Variants in DENND5A observed in about 807,000 individuals in gnomAD.
DENND5A encodes the protein DENN domain-containing protein 5A.
In DENND5A, 64 loss-of-function variants were observed where a neutral mutation model predicts 140.3. The observed-to-expected ratio is 0.46, with a 90% CI of 0.37 to 0.56. The LOEUF (loss-of-function observed/expected upper bound fraction) is 0.56. DENND5A is among the 20% of genes least tolerant of loss of function. DENND5A has a pLI of 0.00. For synonymous variants in DENND5A, 605 were observed against 607.7 expected (o/e 1.00, Z 0.07); for missense variants, 1,292 against 1,593.8 (o/e 0.81, Z 3.22).
At chr11:9,256,631 AGT>A (rs1454873419) in intron 1 of DENND5A, among the ~76,000 whole-genome samples, 1 of 152,230 alleles carries the variant, frequency 6.6e-6, no homozygotes, top group African/African-American at 2.4e-5. Flanking sequence ...GAAAGAAGCC[AGT>A]AACAAGAGAC....
At chr11:9,225,099 T>C (rs1397219640) in intron 1 of DENND5A, among the ~76,000 whole-genome samples, 1 of 152,204 alleles carries the variant, frequency 6.6e-6, no homozygotes, top group Non-Finnish European at 1.5e-5. Flanking sequence ...AAAACAGGAC[T>C]ATCCACTCCC....
At chr11:9,143,087 G>A in intron 20 of DENND5A, 1 of 599,818 alleles carries the variant, frequency 1.7e-6, no homozygotes, top group South Asian at 2.2e-5. Context: ...ATTCTCCACT[G>A]GAGGACAAAG....
chr11:9,219,556 C>A (rs573059004), intron 1 of DENND5A, among the ~76,000 whole-genome samples: 1 of 151,960 alleles, frequency 6.6e-6, no homozygotes, highest in South Asian at 2.1e-4. Context: ...TCTGCCAAAA[C>A]GAGAATTAAC....
At chr11:9,160,672 A>G (rs2291839) in intron 12 of DENND5A, 41 bp downstream of exon 12, 173,584 of 1,569,192 alleles carry the variant, frequency 0.11, 10,130 homozygotes, top group South Asian at 0.18. Context: ...TGAAAACAGG[A>G]AGACAATTTG....
At chr11:9,231,454 G>A (rs988058713) in intron 1 of DENND5A, among the ~76,000 whole-genome samples, 5 of 151,620 alleles carry the variant, frequency 3.3e-5, no homozygotes, top group African/African-American at 7.3e-5. Context: ...GGTGGCTCAC[G>A]CCTGTAATCC....
At chr11:9,140,728 C>A (rs1847209249) in intron 22 of DENND5A, among the ~76,000 whole-genome samples, 1 of 152,222 alleles carries the variant, frequency 6.6e-6, no homozygotes, top group South Asian at 2.1e-4. Context: ...GAAGTCTTCT[C>A]TGATCTTTCT....
chr11:9,157,233 AG>A (rs1847836414), intron 12 of DENND5A, among the ~76,000 whole-genome samples: 3 of 152,222 alleles, frequency 2.0e-5, no homozygotes, highest in Admixed American at 2.0e-4. Flanking sequence ...TACAGAACCC[AG>A]CATAATAATA....
chr11:9,265,161 C>G lies in DENND5A; in HGVS notation c.-92G>C. 1.6e-6 allele frequency: 1 copy of G among 625,342 alleles called. No homozygotes were observed. The highest frequency in any genetic ancestry group is 2.0e-6 in the Non-Finnish European group (1 of 497,670). The allele number at this position is 625,342 out of a possible 1,614,324, so 38.7% of individuals were successfully genotyped here. A position where few individuals can be genotyped will look rare whatever the true frequency, so the allele number is the denominator to read the frequency against. ...CCCGTCCGCCCTCAGGCCGCCCCTC[C>G]CGCCGCCGCCGCTACCGCGGCTCGG... On this transcript the variant is annotated 5_prime_UTR_variant, in exon 1 of 23. Coordinates refer to ENST00000328194, the MANE Select transcript of DENND5A (RefSeq NM_015213.4). The surrounding 1 kb of genome is among the most constrained non-coding windows in gnomAD (Gnocchi z 4.7).
intron 15 of DENND5A, among the ~76,000 whole-genome samples, chr11:9,147,514 T>C (rs1414567495): frequency 6.6e-6 from 1 of 152,174 alleles, no homozygotes; most frequent in East Asian, 1.9e-4. Flanking sequence ...AGCTAGTGTA[T>C]GGTGTGTGAG....
intron 10 of DENND5A, 116 bp from the exon 11 acceptor site, chr11:9,166,083 T>C: frequency 1.0e-6 from 1 of 994,182 alleles, no homozygotes. Flanking sequence ...TTTTTTTTCT[T>C]TTTCTTTTTT....
chr11:9,152,308 G>A (rs768964012), intron 13 of DENND5A, 50 bp downstream of exon 13: 1 of 1,339,884 alleles, frequency 7.5e-7, no homozygotes, highest in South Asian at 1.2e-5. Flanking sequence ...GCCAGTGGGT[G>A]ATGGAAAAGT....
chr11:9,143,293 G>A, intron 20 of DENND5A, 110 bp downstream of exon 20: 1 of 954,650 alleles, frequency 1.0e-6, no homozygotes, highest in Non-Finnish European at 1.7e-6. Flanking sequence ...CAAGACTCTA[G>A]GGTGTCCACA....
At chr11:9,232,597 C>A (rs1850818768) in intron 1 of DENND5A, among the ~76,000 whole-genome samples, 1 of 152,058 alleles carries the variant, frequency 6.6e-6, no homozygotes, top group Non-Finnish European at 1.5e-5. Flanking sequence ...TAGGGAGTAA[C>A]CTACACTGTC....
At chr11:9,250,872 G>A (rs1210302516) in intron 1 of DENND5A, among the ~76,000 whole-genome samples, 3 of 152,176 alleles carry the variant, frequency 2.0e-5, no homozygotes, top group Middle Eastern at 3.4e-3. Context: ...GGTGGCTCAC[G>A]CCTGTAATCC....
chr11:9,223,014 A>G (rs1850375094), intron 1 of DENND5A, among the ~76,000 whole-genome samples: 1 of 152,252 alleles, frequency 6.6e-6, no homozygotes, highest in Admixed American at 6.5e-5. Context: ...ATCCTTTTTG[A>G]AGCAATTAGC....
At chr11:9,242,599 C>A (rs914103265) in intron 1 of DENND5A, 1 of 152,170 alleles carries the variant, frequency 6.6e-6, no homozygotes, top group Non-Finnish European at 1.5e-5. Context: ...AAACTCTCTG[C>A]ACTTTAGTTT....
chr11:9,192,558 G>T (rs1463896985), intron 5 of DENND5A, among the ~76,000 whole-genome samples: 1 of 151,732 alleles, frequency 6.6e-6, no homozygotes, highest in Non-Finnish European at 1.5e-5. Flanking sequence ...AACCTGGAAG[G>T]CAGAGGTTGC....
chr11:9,258,535 T>A (rs1007991375), intron 1 of DENND5A, among the ~76,000 whole-genome samples: 2 of 152,106 alleles, frequency 1.3e-5, no homozygotes, highest in African/African-American at 4.8e-5. Flanking sequence ...TGATGGACAT[T>A]TGAGTTGGTT....
At chr11:9,255,603 C>T (rs1241920871) in intron 1 of DENND5A, among the ~76,000 whole-genome samples, 1 of 152,038 alleles carries the variant, frequency 6.6e-6, no homozygotes, top group Non-Finnish European at 1.5e-5. Flanking sequence ...CAGTGGCTCT[C>T]GCCTGTAATC....
Sources: gnomAD v4.1 joint callset for allele counts (sites outside exome capture counted in the v4.1 genomes callset) on GRCh38, gnomAD v4.1.1 for gene constraint, Gnocchi (gnomAD v3.1) non-coding constraint, MANE v1.5 for transcripts, NCBI Gene and HGNC (gene_info 2026-07-23, HGNC 2026-07-21) for gene names.